VANGL1: variants seen among roughly 807,000 people sequenced by gnomAD.
The protein encoded by VANGL1 is VANGL planar cell polarity protein 1, also known as vang-like protein 1.
In VANGL1, 18 loss-of-function variants were observed where a neutral mutation model predicts 48.4. The observed-to-expected ratio is 0.37, with a 90% CI of 0.26 to 0.55. The LOEUF is 0.55. Ranked by LOEUF, VANGL1 falls within the 20% of genes least tolerant of loss-of-function variation. The pLI, the probability that VANGL1 is intolerant of heterozygous loss-of-function variation, is 0.81. For missense variants in VANGL1, 667 were observed against 675.8 expected (o/e 0.99, Z 0.14); for synonymous variants, 257 against 261.8 (o/e 0.98, Z 0.18).
intron 2 of VANGL1, among the ~76,000 whole-genome samples, chr1:115,656,654 T>C (rs988587559): frequency 3.3e-5 from 5 of 152,202 alleles, no homozygotes; most frequent in Admixed American, 6.5e-5. Context: ...TTCCCTCCGA[T>C]GTTATCAGGG....
At chr1:115,650,831 A>G (rs1446442053) in intron 1 of VANGL1, among the ~76,000 whole-genome samples, 2 of 151,648 alleles carry the variant, frequency 1.3e-5, no homozygotes, top group African/African-American at 2.4e-5. Flanking sequence ...GATCAAAAAG[A>G]TTGAAGATCT....
intron 3 of VANGL1, among the ~76,000 whole-genome samples, chr1:115,663,027 C>T (rs541631968): frequency 2.6e-5 from 4 of 152,204 alleles, no homozygotes; most frequent in East Asian, 1.9e-4. Flanking sequence ...CCTCCTGATC[C>T]GTCCGCCTCG....
chr1:115,651,631 C>G (rs1652151090), intron 2 of VANGL1, 147 bp downstream of exon 2: 2 of 708,128 alleles, frequency 2.8e-6, no homozygotes, highest in Non-Finnish European at 5.0e-6. Context: ...ATTTAACATT[C>G]TTGGGAGTAA....
At chr1:115,656,328 G>T (rs1458592023) in intron 2 of VANGL1, among the ~76,000 whole-genome samples, 1 of 152,332 alleles carries the variant, frequency 6.6e-6, no homozygotes, top group South Asian at 2.1e-4. Context: ...TCACAAAGAA[G>T]CAAACTTCCA....
At chr1:115,669,218 A>G (rs1652891363) in intron 4 of VANGL1, among the ~76,000 whole-genome samples, 1 of 152,180 alleles carries the variant, frequency 6.6e-6, no homozygotes, top group Non-Finnish European at 1.5e-5. Flanking sequence ...AAACCACAAA[A>G]GCAGGTATGA....
At chr1:115,663,434 A>G (rs781457027) in intron 3 of VANGL1, among the ~76,000 whole-genome samples, 5 of 152,230 alleles carry the variant, frequency 3.3e-5, no homozygotes, top group Admixed American at 2.0e-4. Context: ...GAAAGATCAC[A>G]TTATGTTTTC....
At position 115,697,265 on chromosome 1, in the gene VANGL1, G is replaced by T. The variant is rs1654065821; in HGVS notation, c.*5886G>T. The stretch of plus-strand genomic sequence containing the variant: ...CGTTCTAGGGGCCTTGTAGAAAGAT[G>T]AAACAGTTGTTTTTCATTTACCAGC... On this transcript the variant is annotated 3_prime_UTR_variant, in exon 8 of 8. Coordinates refer to ENST00000355485, the MANE Select transcript of VANGL1 (RefSeq NM_138959.3). The T allele has an allele frequency of 6.6e-6, 1 of 152,140 alleles. No homozygotes were observed. 9.4% of individuals were successfully genotyped at this position (152,140 alleles called of 1,614,324 possible). A position where few individuals can be genotyped will look rare whatever the true frequency, so the allele number is the denominator to read the frequency against.
At chr1:115,658,854 T>A (rs1652440279) in intron 2 of VANGL1, among the ~76,000 whole-genome samples, 1 of 152,050 alleles carries the variant, frequency 6.6e-6, no homozygotes, top group African/African-American at 2.4e-5. Context: ...GTTCTTACAA[T>A]CACGCTGGAA....
intron 1 of VANGL1, among the ~76,000 whole-genome samples, chr1:115,644,683 G>T (rs11578898): frequency 0.02 from 3,087 of 152,302 alleles, 37 homozygotes; most frequent in Non-Finnish European, 0.029. Flanking sequence ...GTACTCATGA[G>T]ATCTATTTTT....
At chr1:115,661,555 T>C (rs1652547903) in intron 3 of VANGL1, among the ~76,000 whole-genome samples, 1 of 151,772 alleles carries the variant, frequency 6.6e-6, no homozygotes, top group South Asian at 2.1e-4. Flanking sequence ...TATTCCATTG[T>C]ATCAGTCTAC....
rs938130066 is a variant in VANGL1 at position 115,695,679 on chromosome 1, C to A, written c.*4300C>A. 6.6e-6 allele frequency: 1 copy of A among 152,188 alleles called. No individual in the cohort carries two copies. Among genetic ancestry groups the A allele is most frequent in the African/African-American group, 2.4e-5 (1 of 41,440 alleles). The allele number at this position is 152,188 out of a possible 1,614,324, so 9.4% of individuals were successfully genotyped here. A position where few individuals can be genotyped will look rare whatever the true frequency, so the allele number is the denominator to read the frequency against. On this transcript the variant is annotated 3_prime_UTR_variant, in exon 8 of 8. Coordinates refer to ENST00000355485, the MANE Select transcript of VANGL1 (RefSeq NM_138959.3). ...ATGTCACAGTCCGTGTTCCACCCAG[C>A]CTTGTTATCCCCACATTCTTTCAAG...
In VANGL1 at chr1:115,684,042, G is replaced by T; in HGVS notation, c.1045G>T (p.Glu349Ter). ...CAACGAGTTGTATTATGAAGAGGCC[G>T]AACATGAACGGCGAGTAAAGAAGCG... is the stretch of plus-strand genomic sequence containing the variant. ...SHNELYYEEA[E>*]HERRVKKRKA... Residue 349 changes from glutamate (E) to a stop codon, truncating the protein, a stop_gained, in exon 6 of 8, where the codon GAA (glutamate) becomes TAA (stop). Coordinates refer to ENST00000355485, the MANE Select transcript of VANGL1 (RefSeq NM_138959.3). LOFTEE classifies it high-confidence loss of function. 1 of 1,614,052 alleles carries T rather than the reference G, an allele frequency of 6.2e-7. No homozygotes were observed. The highest frequency in any genetic ancestry group is 1.1e-5 in the South Asian group (1 of 91,048).
chr1:115,685,331 A>C lies in VANGL1; in HGVS notation c.1118A>C (p.Gln373Pro), dbSNP rs1351616972. 6.2e-7 allele frequency: 1 copy of C among 1,614,186 alleles called. No individual in the cohort carries two copies. ...VAVEEAFIHI[Q>P]RLQAEEQQKA... ...GTGGAAGAGGCCTTCATCCACATTC[A>C]GCGTCTCCAGGCTGAGGAGCAGCAG... Residue 373 changes from glutamine to proline, a missense_variant, in exon 7 of 8, where the codon CAG becomes CCG. Gln to Pro is a moderately conservative substitution (Grantham distance 76, BLOSUM62 -1). Transcript: ENST00000355485.
In VANGL1 at chr1:115,693,555, C is replaced by T. The variant is rs1208174160; in HGVS notation, c.*2176C>T. The T allele has an allele frequency of 6.6e-6, 1 of 152,240 alleles. No individual in the cohort carries two copies. The highest frequency in any genetic ancestry group is 1.5e-5 in the Non-Finnish European group (1 of 68,034). The allele number at this position is 152,240 out of a possible 1,614,324, so 9.4% of individuals were successfully genotyped here. A position where few individuals can be genotyped will look rare whatever the true frequency, so the allele number is the denominator to read the frequency against. On this transcript the variant is annotated 3_prime_UTR_variant, in exon 8 of 8. Coordinates refer to ENST00000355485, the MANE Select transcript of VANGL1 (RefSeq NM_138959.3). ...TCTCTCTCCCCCTTCCTCTTTCTCC[C>T]AGTCTTTGCATAGGAGAATGTTAGA...
In VANGL1 at chr1:115,663,717, A is replaced by G. The variant is rs546620802; in HGVS notation, c.261A>G (p.Ile87Met). The change falls in exon 4 of 8, where the codon ATA (isoleucine) becomes ATG (methionine). Residue 87 changes from isoleucine to methionine, a missense_variant. By Grantham distance (10) the Ile-to-Met change is conservative. Coordinates refer to ENST00000355485, the MANE Select transcript of VANGL1 (RefSeq NM_138959.3). The part of the protein sequence containing the change: ...TAITGTSEHS[I>M]SQEDIARISK... The stretch of plus-strand genomic sequence containing the variant: ...TCACAGGCACCTCGGAGCACAGCAT[A>G]TCCCAAGAGGACATTGCCAGGATCA... 1.2e-6 allele frequency: 2 copies of G among 1,614,208 alleles called. No individual in the cohort carries two copies. The highest frequency in any genetic ancestry group is 1.1e-5 in the South Asian group (1 of 91,080).
At chr1:115,645,112 C>G (rs1317673334) in intron 1 of VANGL1, among the ~76,000 whole-genome samples, 2 of 152,108 alleles carry the variant, frequency 1.3e-5, no homozygotes, top group African/African-American at 4.8e-5. Context: ...CAGCCCATGC[C>G]CCTCCAAATA....
At chr1:115,669,550 T>C (rs942375194) in intron 4 of VANGL1, among the ~76,000 whole-genome samples, 3 of 152,168 alleles carry the variant, frequency 2.0e-5, no homozygotes, top group Non-Finnish European at 4.4e-5. Flanking sequence ...ATACTGTTCC[T>C]GTGGTAGTGA....
At chr1:115,658,335 G>T (rs946799440) in intron 2 of VANGL1, among the ~76,000 whole-genome samples, 1 of 152,154 alleles carries the variant, frequency 6.6e-6, no homozygotes, top group Non-Finnish European at 1.5e-5. Context: ...TTTCTCCAAG[G>T]TTATACACAC....
rs376174821 is a variant in VANGL1 at position 115,685,410 on chromosome 1, C to T, written c.1197C>T (p.Pro399=). ...GGGAGGCCGCCCAGGCCATTTTCCC[C>T]TCCATGGCCAGGGCTCTCCAGAAGT... ...DPREAAQAIF[P]SMARALQKYL... The change falls in exon 7 of 8, where the codon CCC becomes CCT. Residue 399 remains proline, a synonymous_variant. Transcript: ENST00000355485. The T allele has an allele frequency of 8.7e-6, 14 of 1,614,072 alleles. No homozygotes were observed. The highest frequency in any genetic ancestry group is 6.7e-5 in the African/African-American group (5 of 74,938).
Sources: allele counts gnomAD v4.1 joint callset (sites outside exome capture counted in the v4.1 genomes callset), GRCh38; gene constraint gnomAD v4.1.1; transcripts MANE v1.5; gene names NCBI Gene and HGNC (gene_info 2026-07-23, HGNC 2026-07-21).